The following ITGB1 variants were observed in gnomAD, a reference collection of about 807,000 sequenced individuals.
ITGB1 encodes integrin subunit beta 1, also known as integrin beta-1.
In ITGB1, 24 loss-of-function variants were observed where a neutral mutation model predicts 86.5. The observed-to-expected ratio is 0.28, with a 90% CI of 0.20 to 0.39. The LOEUF is 0.39. Ranked by LOEUF, ITGB1 falls within the 10% of genes least tolerant of loss-of-function variation. The probability of loss-of-function intolerance (pLI) is 1.00; values close to 1 mark genes in which losing one functional copy is unlikely to be tolerated. For missense variants in ITGB1, 556 were observed against 946.9 expected (o/e 0.59, Z 5.42); for synonymous variants, 323 against 316.8 (o/e 1.02, Z -0.21).
At chr10:32,939,806 A>T (rs1465463910) in intron 1 of ITGB1, among the ~76,000 whole-genome samples, 1 of 152,122 alleles carries the variant, frequency 6.6e-6, no homozygotes, top group Non-Finnish European at 1.5e-5. Flanking sequence ...CACACACTGA[A>T]CAGGACATTA....
intron 1 of ITGB1, among the ~76,000 whole-genome samples, chr10:32,943,553 C>T (rs2095024083): frequency 6.6e-6 from 1 of 151,912 alleles, no homozygotes; most frequent in Non-Finnish European, 1.5e-5. Context: ...AAAGACCAGA[C>T]ATCACAACAG....
At chr10:32,948,813 G>A (rs1325328384) in intron 1 of ITGB1, among the ~76,000 whole-genome samples, 7 of 152,066 alleles carry the variant, frequency 4.6e-5, no homozygotes, top group Admixed American at 4.6e-4. Context: ...CCAGTCTGTG[G>A]CATTCTGTTA....
rs755317981 is a variant in ITGB1 at position 32,929,908 on chromosome 10, T to G, written c.290A>C (p.Asn97Thr). The change falls in exon 4 of 16, where the codon AAC becomes ACC. Residue 97 changes from asparagine (N) to threonine (T), a missense_variant. Around this residue, in one of 4 missense-constraint regions of ITGB1, gnomAD observed 183 missense variants for 263.9 expected, o/e 0.69. Transcript: ENST00000302278. ...KDIKKNKNVT[N>T]RSKGTAEKLK... ...CTTCTCTGCTGTTCCTTTGCTACGG[T>G]TGGTTACATTTTTATTTTTCTTTAT... 6.2e-7 allele frequency: 1 copy of G among 1,610,920 alleles called. No homozygotes were observed. Among genetic ancestry groups the G allele is most frequent in the Non-Finnish European group, 8.5e-7 (1 of 1,177,170 alleles).
chr10:32,919,274 A>G (rs963362315), intron 11 of ITGB1, among the ~76,000 whole-genome samples: 3 of 152,220 alleles, frequency 2.0e-5, no homozygotes, highest in Admixed American at 1.3e-4. Context: ...GCGGTATTCA[A>G]TGTATACTCA....
Position 32,922,971 on chromosome 10 carries a change from G to A in ITGB1, c.943-236C>T, listed in dbSNP as rs550211645. 6.2e-4 allele frequency among the ~76,000 whole-genome samples: 94 copies of A among 152,180 alleles called. 2 individuals are homozygous for A. In the South Asian group the frequency reaches 9.5e-3, roughly 15 times the overall value. On this transcript the variant is annotated intron_variant, in intron 7 of 15. Coordinates refer to ENST00000302278, the MANE Select transcript of ITGB1 (RefSeq NM_002211.4). ...CAAATATAAACTGCTGAAGTGAGTC[G>A]TGTGTATACATGAATTGCTAATCCT...
intron 11 of ITGB1, among the ~76,000 whole-genome samples, chr10:32,919,293 T>TG (rs2094941436): frequency 6.6e-6 from 1 of 152,214 alleles, no homozygotes; most frequent in Admixed American, 6.5e-5. Context: ...CAGTTTTTCA[T>TG]TTTCAATTAC....
chr10:32,913,685 T>C (rs1023231323), intron 11 of ITGB1, among the ~76,000 whole-genome samples: 26 of 152,172 alleles, frequency 1.7e-4, no homozygotes, highest in African/African-American at 6.0e-4. Context: ...CAAATCGATG[T>C]CTGATTGGTG....
chr10:32,903,255 G>T (rs535080369), intron 15 of ITGB1, among the ~76,000 whole-genome samples: 4 of 147,598 alleles, frequency 2.7e-5, no homozygotes, highest in African/African-American at 5.0e-5. Flanking sequence ...ATGAAGCTGG[G>T]ATAGGGGAAT....
chr10:32,915,247 T>A (rs1322947843), intron 11 of ITGB1, among the ~76,000 whole-genome samples: 1 of 152,004 alleles, frequency 6.6e-6, no homozygotes, highest in Admixed American at 6.5e-5. Flanking sequence ...AACATCACAA[T>A]TAAAAGAACT....
At chr10:32,902,385 G>GA (rs768449823) in intron 15 of ITGB1, among the ~76,000 whole-genome samples, 75 of 152,124 alleles carry the variant, frequency 4.9e-4, no homozygotes, top group Middle Eastern at 3.4e-3. Flanking sequence ...GTTTTAAGCA[G>GA]AAAAAAACAT....
chr10:32,904,445 T>G (rs964539581), intron 15 of ITGB1, among the ~76,000 whole-genome samples: 1 of 152,206 alleles, frequency 6.6e-6, no homozygotes, highest in Non-Finnish European at 1.5e-5. Context: ...GTGGGAGATT[T>G]GGGAGCCACA....
intron 11 of ITGB1, among the ~76,000 whole-genome samples, chr10:32,914,445 G>A (rs1217973507): frequency 1.3e-5 from 2 of 152,048 alleles, no homozygotes; most frequent in African/African-American, 4.8e-5. Flanking sequence ...ACAAACACAG[G>A]CTCAAAATAA....
chr10:32,910,839 G>A (rs897233450), intron 13 of ITGB1, among the ~76,000 whole-genome samples: 6 of 151,792 alleles, frequency 4.0e-5, no homozygotes, highest in East Asian at 1.9e-4. Context: ...TCTGCCTCTC[G>A]GGTTCAAGCA....
chr10:32,924,607 CTTGT>C (rs2094959266), intron 6 of ITGB1, among the ~76,000 whole-genome samples: 1 of 152,246 alleles, frequency 6.6e-6, no homozygotes, highest in East Asian at 1.9e-4. Flanking sequence ...GGTGTTATGG[CTTGT>C]TTAATACCAC....
In ITGB1 at chr10:32,920,021, T is replaced by C; in HGVS notation, c.1333A>G (p.Ile445Val). ...CPKKDSDSFK[I>V]RPLGFTEEVE... ...TCCTCCGTAAAGCCCAGAGGCCTAA[T>C]TTTAAAGCTGTCAGAATCCTTTTTT... is the stretch of plus-strand genomic sequence containing the variant. The change falls in exon 11 of 16, where the codon ATT (isoleucine) becomes GTT (valine). Residue 445 changes from isoleucine to valine, a missense_variant. This residue lies in a region of ITGB1 where 330 missense variants were observed against 531.5 expected (regional missense o/e 0.62). Transcript: ENST00000302278. 1 of 1,614,124 alleles carries C rather than the reference T, an allele frequency of 6.2e-7. No homozygotes were observed. The highest frequency in any genetic ancestry group is 8.5e-7 in the Non-Finnish European group (1 of 1,179,950).
chr10:32,911,837 G>A (rs1275047640), intron 12 of ITGB1, 49 bp downstream of exon 12: 1 of 1,508,238 alleles, frequency 6.6e-7, no homozygotes, highest in South Asian at 1.2e-5. Context: ...GATTTTTCGT[G>A]GCATTAGATG....
intron 1 of ITGB1, among the ~76,000 whole-genome samples, chr10:32,945,720 A>G (rs2095029995): frequency 1.3e-5 from 2 of 152,240 alleles, no homozygotes; most frequent in African/African-American, 4.8e-5. Context: ...CCACATTTCT[A>G]GCATTGTGGA....
intron 1 of ITGB1, among the ~76,000 whole-genome samples, chr10:32,957,216 T>C (rs1452725770): frequency 2.0e-5 from 3 of 152,208 alleles, no homozygotes; most frequent in African/African-American, 7.2e-5. Flanking sequence ...GCTTAGAGAA[T>C]GCAACTTACT....
intron 1 of ITGB1, chr10:32,953,894 G>C (rs991798943): frequency 4.6e-5 from 7 of 152,124 alleles, no homozygotes; most frequent in Non-Finnish European, 5.9e-5. Context: ...GAAAAACCCA[G>C]AAATACCTAT....
Sources: allele counts gnomAD v4.1 joint callset (sites outside exome capture counted in the v4.1 genomes callset), GRCh38; gene constraint gnomAD v4.1.1; regional missense constraint gnomAD v4.1.1; transcripts MANE v1.5; gene names NCBI Gene and HGNC (gene_info 2026-07-23, HGNC 2026-07-21).